ZP3: variants seen among roughly 807,000 people sequenced by gnomAD.
The protein encoded by ZP3 is zona pellucida sperm-binding protein 3.
In ZP3, 21 loss-of-function variants were observed where a neutral mutation model predicts 35.6. That is an observed-to-expected ratio of 0.59 (90% CI 0.42 to 0.85). ZP3 has a LOEUF of 0.85. Ranked by LOEUF, ZP3 falls within the 40% of genes least tolerant of loss-of-function variation. The pLI is 0.00. For missense variants in ZP3, 437 were observed against 536.5 expected, an observed-to-expected ratio of 0.81 and a Z score of 1.83; for synonymous variants, 207 against 214.5, an observed-to-expected ratio of 0.96 and a Z score of 0.31.
intron 1 of ZP3, among the ~76,000 whole-genome samples, chr7:76,405,129 G>C (rs773518357): frequency 2.3e-4 from 34 of 146,034 alleles, no homozygotes; most frequent in Non-Finnish European, 1.8e-4. Context: ...TTTTCAGACA[G>C]AGTCTCACTC....
chr7:76,421,222 C>G (rs112451186), upstream of ZP3, among the ~76,000 whole-genome samples: 369 of 152,148 alleles, frequency 2.4e-3, 2 homozygotes, highest in African/African-American at 8.6e-3. Flanking sequence ...GCGTGAGCCA[C>G]TGCGCCCCGC....
exon 1 of ZP3, chr7:76,397,746 A>G (rs1230353534): frequency 6.2e-7 from 1 of 1,613,110 alleles, no homozygotes; most frequent in Admixed American, 1.7e-5. Context: ...TCGTCGTCAC[A>G]CACGGTGCCC....
intron 3 of ZP3, 29 bp downstream of exon 3, chr7:76,433,059 T>G (rs542600406): frequency 1.3e-6 from 2 of 1,583,326 alleles, no homozygotes; most frequent in Admixed American, 1.7e-5. Context: ...GTGGGACATC[T>G]GTGGAAAGAC....
intron 1 of ZP3, among the ~76,000 whole-genome samples, chr7:76,405,323 T>TTTTTCTTTC (rs1563687069): frequency 1.7e-4 from 5 of 29,170 alleles, no homozygotes; most frequent in Non-Finnish European, 2.9e-4. Context: ...ATATGTATTT[T>TTTTTCTTTC]TTTCTTTCTT....
intron 5 of ZP3, among the ~76,000 whole-genome samples, chr7:76,435,865 T>C (rs370153450): frequency 4.0e-5 from 6 of 151,546 alleles, no homozygotes; most frequent in South Asian, 2.1e-4. Flanking sequence ...GCTGGGATTG[T>C]AGGCGCCTGC....
At chr7:76,413,774 C>G (rs1176978062) in intron 1 of ZP3, among the ~76,000 whole-genome samples, 1 of 151,718 alleles carries the variant, frequency 6.6e-6, no homozygotes, top group Non-Finnish European at 1.5e-5. Context: ...TGAAGTAATC[C>G]TCCCACCTCA....
intron 3 of ZP3, 103 bp downstream of exon 3, chr7:76,433,133 G>GGTTGGTTTTA: frequency 2.1e-6 from 1 of 472,894 alleles, no homozygotes; most frequent in Non-Finnish European, 3.8e-6. Context: ...TTTTGGTTTT[G>GGTTGGTTTTA]GTTGGTTTTG....
At chr7:76,411,985 G>A (rs1473770797) in intron 1 of ZP3, among the ~76,000 whole-genome samples, 1 of 152,034 alleles carries the variant, frequency 6.6e-6, no homozygotes, top group Non-Finnish European at 1.5e-5. Flanking sequence ...TTGAGCCCAG[G>A]AATTTGAGAC....
chr7:76,397,583 C>T (rs551919386), exon 1 of ZP3: 9 of 1,609,906 alleles, frequency 5.6e-6, no homozygotes, highest in Non-Finnish European at 6.8e-6. Context: ...CAGGCTCTGG[C>T]AGGCTGCCAG....
intron 1 of ZP3, chr7:76,397,812 C>A: frequency 6.3e-7 from 1 of 1,592,532 alleles, no homozygotes; most frequent in Non-Finnish European, 8.6e-7. Context: ...GCGCCCCCTA[C>A]CAGGCGTACG....
In ZP3 at chr7:76,433,070, C is replaced by G. The variant is rs776506708; in HGVS notation, c.535+40C>G. 11 of 1,497,596 alleles carry G rather than the reference C, an allele frequency of 7.3e-6. No homozygotes were observed. The African/African-American group carries it at 8.6e-5, about 12-fold the overall frequency. The allele number at this position is 1,497,596 out of a possible 1,614,324, so 92.8% of individuals were successfully genotyped here. ...CTGGGTGGGACATCTGTGGAAAGAC[C>G]TGGGCCATCTCAGACCCCTGCCCTT... On this transcript the variant is annotated intron_variant, in intron 3 of 7. Coordinates refer to ENST00000394857, the MANE Select transcript of ZP3 (RefSeq NM_001110354.2).
At chr7:76,434,935 A>G (rs1805944925) in intron 5 of ZP3, among the ~76,000 whole-genome samples, 1 of 151,830 alleles carries the variant, frequency 6.6e-6, no homozygotes, top group African/African-American at 2.4e-5. Context: ...TGACACTAAG[A>G]GGGAAGGAGA....
intron 5 of ZP3, among the ~76,000 whole-genome samples, chr7:76,438,087 C>T (rs1171437502): frequency 5.3e-5 from 8 of 152,268 alleles, no homozygotes; most frequent in African/African-American, 1.9e-4. Flanking sequence ...GGCTCTGAGG[C>T]TTCTGCTGGA....
Position 76,405,274 on chromosome 7 carries a change from TATA to T in ZP3, c.-67+7478_-67+7480del, listed in dbSNP as rs1563686783. 8.0e-3 allele frequency among the ~76,000 whole-genome samples: 170 copies of T among 21,248 alleles called. 5 individuals carry two copies. Among genetic ancestry groups the T allele is most frequent in the Non-Finnish European group, 0.011 (142 of 12,844 alleles). 13.9% of individuals were successfully genotyped at this position (21,248 alleles called of 152,430 possible). A position where few individuals can be genotyped will look rare whatever the true frequency, so the allele number is the denominator to read the frequency against. ...GTGCATCACCACACCCAGCTAATTA[TATA>T]TATATATATATATATATATATATAT... is the stretch of plus-strand genomic sequence containing the variant. On this transcript the variant is annotated intron_variant, in intron 1 of 8. Transcript: ENST00000336517.
chr7:76,400,193 C>T (rs1301473708), intron 1 of ZP3: 1 of 1,346,270 alleles, frequency 7.4e-7, no homozygotes, highest in East Asian at 2.8e-5. Flanking sequence ...ATGGAACAGC[C>T]TTACCTGTGG....
At chr7:76,398,007 AT>A (rs1804697333) in intron 1 of ZP3, among the ~76,000 whole-genome samples, 1 of 152,046 alleles carries the variant, frequency 6.6e-6, no homozygotes, top group Non-Finnish European at 1.5e-5. Flanking sequence ...TCATAGTATC[AT>A]TTCTGCCTAA....
At chr7:76,397,803 C>A in intron 1 of ZP3, 1 of 1,598,390 alleles carries the variant, frequency 6.3e-7, no homozygotes. Context: ...CACAGGTTCG[C>A]GCCCCCTACC....
chr7:76,441,816 C>T (rs761294123), intron 7 of ZP3, 26 bp from the exon 8 acceptor site: 17 of 1,613,882 alleles, frequency 1.1e-5, no homozygotes, highest in Non-Finnish European at 1.3e-5. Context: ...TAAGATAACC[C>T]TTGGTTGTGT....
chr7:76,397,883 C>A, intron 1 of ZP3: 2 of 1,456,968 alleles, frequency 1.4e-6, no homozygotes, highest in East Asian at 2.5e-5. Flanking sequence ...CCTCTGCCCC[C>A]GTCCGCACCG....
Sources: gnomAD v4.1 joint callset for allele counts (sites outside exome capture counted in the v4.1 genomes callset) on GRCh38, gnomAD v4.1.1 for gene constraint, MANE v1.5 for transcripts, NCBI Gene and HGNC (gene_info 2026-07-23, HGNC 2026-07-21) for gene names.